Variants in XRCC5 observed in about 807,000 individuals in gnomAD.
XRCC5 encodes the protein DNA repair protein Ku80.
In XRCC5, 12 loss-of-function variants were observed where a neutral mutation model predicts 95.7. The observed-to-expected ratio is 0.13, with a 90% CI of 0.08 to 0.20. The LOEUF is 0.20. XRCC5 is among the 10% of genes least tolerant of loss of function. XRCC5 has a pLI of 1.00. For missense variants in XRCC5, 595 were observed against 873.9 expected (o/e 0.68, Z 4.02); for synonymous variants, 281 against 290.3 (o/e 0.97, Z 0.33).
In XRCC5 at chr2:216,119,279, C is replaced by G. The variant is rs923538252; in HGVS notation, c.491+114C>G. On this transcript the variant is annotated intron_variant, in intron 5 of 20. Coordinates refer to ENST00000392132, the MANE Select transcript of XRCC5 (RefSeq NM_021141.4). ...GGAATTTTCGCTTTCTGCTCCAAGG[C>G]TGAATCTGTCAGATGACTGACTACT... 3.6e-5 allele frequency: 41 copies of G among 1,139,528 alleles called. No homozygotes were observed. In the African/African-American group the frequency reaches 5.1e-4, roughly 14 times the overall value. 70.6% of individuals were successfully genotyped at this position (1,139,528 alleles called of 1,614,324 possible). A position where few individuals can be genotyped will look rare whatever the true frequency, so the allele number is the denominator to read the frequency against.
At chr2:216,158,642 A>G (rs751513314) in intron 14 of XRCC5, among the ~76,000 whole-genome samples, 2 of 152,006 alleles carry the variant, frequency 1.3e-5, no homozygotes, top group Non-Finnish European at 1.5e-5. Flanking sequence ...TGGGTGACTT[A>G]CCCCTTGTAA....
At chr2:216,176,527 CATTG>C (rs1394776688) in intron 16 of XRCC5, among the ~76,000 whole-genome samples, 7 of 152,172 alleles carry the variant, frequency 4.6e-5, no homozygotes, top group East Asian at 1.9e-4. Context: ...TTTAGTATAA[CATTG>C]ATTATTATTC....
At chr2:216,141,994 G>T (rs1050249532) in intron 13 of XRCC5, among the ~76,000 whole-genome samples, 1 of 151,950 alleles carries the variant, frequency 6.6e-6, no homozygotes, top group Non-Finnish European at 1.5e-5. Context: ...ATGGAGAGTG[G>T]AGTTAGCCGA....
intron 16 of XRCC5, among the ~76,000 whole-genome samples, chr2:216,177,848 A>C (rs1055382482): frequency 6.6e-6 from 1 of 152,186 alleles, no homozygotes; most frequent in African/African-American, 2.4e-5. Flanking sequence ...CTCTGTGTCT[A>C]ATTATTCTGA....
intron 16 of XRCC5, among the ~76,000 whole-genome samples, chr2:216,172,248 C>T (rs1689177567): frequency 6.6e-6 from 1 of 152,012 alleles, no homozygotes; most frequent in Non-Finnish European, 1.5e-5. Context: ...ATTAGACAAG[C>T]TAGCAATGCA....
At chr2:216,153,068 C>CA (rs1245514766) in intron 14 of XRCC5, among the ~76,000 whole-genome samples, 1 of 152,118 alleles carries the variant, frequency 6.6e-6, no homozygotes, top group Non-Finnish European at 1.5e-5. Context: ...TCTTTCCTTC[C>CA]AGAAGCCAGG....
At chr2:216,139,367 C>T (rs1344244213) in intron 12 of XRCC5, among the ~76,000 whole-genome samples, 2 of 151,722 alleles carry the variant, frequency 1.3e-5, no homozygotes, top group Non-Finnish European at 2.9e-5. Context: ...AGGCGAAAGG[C>T]ACTTACATGG....
At chr2:216,162,293 A>G (rs147695900) in intron 16 of XRCC5, among the ~76,000 whole-genome samples, 1 of 152,344 alleles carries the variant, frequency 6.6e-6, no homozygotes, top group African/African-American at 2.4e-5. Context: ...ACTTTGGGCC[A>G]ACACCTTGGC....
intron 16 of XRCC5, among the ~76,000 whole-genome samples, chr2:216,167,853 A>G (rs921251011): frequency 6.6e-6 from 1 of 152,190 alleles, no homozygotes; most frequent in African/African-American, 2.4e-5. Flanking sequence ...AGAATTTGAC[A>G]TACTTTTTTA....
chr2:216,119,358 G>C (rs41298742), intron 5 of XRCC5, among the ~76,000 whole-genome samples, 193 bp downstream of exon 5: 1 of 152,140 alleles, frequency 6.6e-6, no homozygotes, highest in African/African-American at 2.4e-5. Context: ...CTGAGTGGTC[G>C]TGACAAAAAG....
intron 16 of XRCC5, among the ~76,000 whole-genome samples, chr2:216,172,464 C>CTTTCCTTTT (rs1258491985): frequency 7.1e-5 from 5 of 70,342 alleles, no homozygotes; most frequent in African/African-American, 3.2e-4. Flanking sequence ...ATCAGCTTTT[C>CTTTCCTTTT]TTTTCTTTTT....
chr2:216,125,851 T>G (rs1017738065), intron 6 of XRCC5, 66 bp from the exon 7 acceptor site: 1 of 1,267,886 alleles, frequency 7.9e-7, no homozygotes, highest in Non-Finnish European at 1.1e-6. Context: ...GAAAATCAAA[T>G]GCATCATCCA....
At chr2:216,184,812 C>T (rs6704622) in intron 16 of XRCC5, among the ~76,000 whole-genome samples, 110,185 of 152,164 alleles carry the variant, frequency 0.72, 41,411 homozygotes, top group East Asian at 0.95. Context: ...CCTGGAAATA[C>T]CCAATTCTTA....
At chr2:216,180,483 G>A (rs931527352) in intron 16 of XRCC5, among the ~76,000 whole-genome samples, 11 of 152,108 alleles carry the variant, frequency 7.2e-5, no homozygotes, top group African/African-American at 2.2e-4. Flanking sequence ...AAAATCAGTC[G>A]TGCATGATGG....
intron 10 of XRCC5, 127 bp downstream of exon 10, chr2:216,132,514 C>T: frequency 1.1e-6 from 1 of 918,798 alleles, no homozygotes; most frequent in East Asian, 2.5e-5. Context: ...GGGAAATCCA[C>T]TGATGTTTAA....
intron 7 of XRCC5, among the ~76,000 whole-genome samples, chr2:216,126,268 T>C (rs1696898615): frequency 6.6e-6 from 1 of 152,234 alleles, no homozygotes; most frequent in Admixed American, 6.5e-5. Flanking sequence ...TTTCTCTCCA[T>C]TGGTAATTGA....
At position 216,175,272 on chromosome 2, in the gene XRCC5, T is replaced by C. The variant is rs980656599; in HGVS notation, c.1834+13224T>C. 24 of 428,646 alleles carry C rather than the reference T, an allele frequency of 5.6e-5. 1 individual carries two copies. The highest frequency in any genetic ancestry group is 4.3e-4 in the South Asian group (24 of 55,600). The allele number at this position is 428,646 out of a possible 1,614,324, so 26.6% of individuals were successfully genotyped here. A position where few individuals can be genotyped will look rare whatever the true frequency, so the allele number is the denominator to read the frequency against. On this transcript the variant is annotated intron_variant, in intron 16 of 20. Coordinates refer to ENST00000392132, the MANE Select transcript of XRCC5 (RefSeq NM_021141.4). The stretch of plus-strand genomic sequence containing the variant: ...TTACACCCTCCATAACCACCTCTGC[T>C]GCCACCACCTCTACTTCTACCACCA...
chr2:216,130,552 C>A (rs1214538069), intron 8 of XRCC5, among the ~76,000 whole-genome samples: 1 of 152,030 alleles, frequency 6.6e-6, no homozygotes, highest in Non-Finnish European at 1.5e-5. Flanking sequence ...CATGGTTTAT[C>A]TTTGGAGGAT....
intron 4 of XRCC5, 95 bp downstream of exon 4, chr2:216,117,889 A>C: frequency 7.9e-7 from 1 of 1,262,740 alleles, no homozygotes; most frequent in South Asian, 1.2e-5. Flanking sequence ...ATTGTTAATC[A>C]AGCTGCATGT....
Sources: gnomAD v4.1 joint callset for allele counts (sites outside exome capture counted in the v4.1 genomes callset) on GRCh38, gnomAD v4.1.1 for gene constraint, MANE v1.5 for transcripts, NCBI Gene and HGNC (gene_info 2026-07-23, HGNC 2026-07-21) for gene names.